Variants in ERBB4 observed in about 807,000 individuals in gnomAD.
The protein encoded by ERBB4 is receptor tyrosine-protein kinase erbB-4.
A neutral mutation model predicts 158.0 loss-of-function variants in ERBB4; 42 were observed. That is an observed-to-expected ratio of 0.27 (90% CI 0.21 to 0.34). ERBB4 has a LOEUF of 0.34. ERBB4 is among the 10% of genes least tolerant of loss of function. The pLI is 1.00. For missense variants in ERBB4, 1,333 were observed against 1,624.1 expected, an observed-to-expected ratio of 0.82 and a Z score of 3.08; for synonymous variants, 583 against 558.7, an observed-to-expected ratio of 1.04 and a Z score of -0.61.
chr2:211,705,239 A>G, intron 10 of ERBB4, 79 bp downstream of exon 10: 1 of 1,003,182 alleles, frequency 1.0e-6, no homozygotes. Flanking sequence ...GGTGTGAGCC[A>G]CGATGCCCAG....
chr2:211,769,629 A>G (rs2075641264), intron 4 of ERBB4, among the ~76,000 whole-genome samples: 1 of 152,196 alleles, frequency 6.6e-6, no homozygotes, highest in Non-Finnish European at 1.5e-5. Flanking sequence ...CCTCAAAAGT[A>G]GGGAAGCCAA....
intron 1 of ERBB4, among the ~76,000 whole-genome samples, chr2:212,269,895 G>C (rs1342208180): frequency 1.3e-5 from 2 of 151,778 alleles, no homozygotes; most frequent in African/African-American, 4.8e-5. Context: ...GTAACACCAA[G>C]TGCCTCTAAG....
chr2:211,898,937 G>A (rs188677509), intron 3 of ERBB4, among the ~76,000 whole-genome samples: 127 of 152,138 alleles, frequency 8.3e-4, no homozygotes, highest in African/African-American at 2.7e-3. Context: ...ACACTCAATC[G>A]TCCAAACTAC....
At chr2:211,947,221 A>G (rs1186859847) in intron 3 of ERBB4, among the ~76,000 whole-genome samples, 1 of 152,136 alleles carries the variant, frequency 6.6e-6, no homozygotes, top group African/African-American at 2.4e-5. Context: ...GAGATACAGT[A>G]TTATGGTATC....
intron 1 of ERBB4, among the ~76,000 whole-genome samples, chr2:212,128,875 A>T (rs1053166616): frequency 2.0e-5 from 3 of 152,148 alleles, no homozygotes; most frequent in Non-Finnish European, 2.9e-5. Flanking sequence ...ATTCCTTATA[A>T]ATCAAGATCG....
At chr2:212,044,802 G>C (rs1429523321) in intron 2 of ERBB4, among the ~76,000 whole-genome samples, 1 of 151,972 alleles carries the variant, frequency 6.6e-6, no homozygotes, top group Non-Finnish European at 1.5e-5. Context: ...CATAGAAAAA[G>C]GAACCATAAA....
intron 2 of ERBB4, among the ~76,000 whole-genome samples, chr2:212,017,288 A>T (rs2076550882): frequency 6.6e-6 from 1 of 152,086 alleles, no homozygotes; most frequent in Non-Finnish European, 1.5e-5. Context: ...AAAGCTAATA[A>T]ATGTTATTTA....
At chr2:212,027,588 TATG>T (rs1575535477) in intron 2 of ERBB4, among the ~76,000 whole-genome samples, 1 of 152,008 alleles carries the variant, frequency 6.6e-6, no homozygotes, top group African/African-American at 2.4e-5. Flanking sequence ...AAAGAGTGAG[TATG>T]ATATCTTTAT....
At position 212,267,721 on chromosome 2, in the gene ERBB4, G is replaced by A. The variant is rs573333812; in HGVS notation, c.83-142818C>T. ...CCATTAACTCTTCATTTAACGTTAG[G>A]TGTATCTCCTAATGCTATCCCTCCC... On this transcript the variant is annotated intron_variant, in intron 1 of 27. Coordinates refer to ENST00000342788, the MANE Select transcript of ERBB4 (RefSeq NM_005235.3). Among the ~76,000 whole-genome samples, 14 of 150,854 alleles carry A rather than the reference G, an allele frequency of 9.3e-5. No individual in the cohort carries two copies. The South Asian group carries it at 2.3e-3, about 25-fold the overall frequency.
At chr2:211,944,175 T>TATATAC (rs1166139329) in intron 3 of ERBB4, among the ~76,000 whole-genome samples, 1 of 32,476 alleles carries the variant, frequency 3.1e-5, no homozygotes, top group Admixed American at 3.8e-4. Flanking sequence ...TATATATATA[T>TATATAC]ACTATATATA....
At chr2:212,147,284 C>T (rs74901575) in intron 1 of ERBB4, among the ~76,000 whole-genome samples, 2,933 of 146,088 alleles carry the variant, frequency 0.02, 93 homozygotes, top group African/African-American at 0.071. Context: ...GGACTACAGG[C>T]GTGAGTCATG....
intron 20 of ERBB4, among the ~76,000 whole-genome samples, chr2:211,514,498 T>C (rs1251261220): frequency 6.6e-6 from 1 of 152,166 alleles, no homozygotes; most frequent in African/African-American, 2.4e-5. Context: ...TGAAAGAAGT[T>C]GCCATTCTCA....
rs1299250931 is a variant in ERBB4 at position 212,191,686 on chromosome 2, CATGTTACATATAACACGTGT to C, written c.83-66803_83-66784del. On this transcript the variant is annotated intron_variant, in intron 1 of 27. Coordinates refer to ENST00000342788, the MANE Select transcript of ERBB4 (RefSeq NM_005235.3). The stretch of plus-strand genomic sequence containing the variant: ...CATGTCATATATCGCGTGTGTTATA[CATGTTACATATAACACGTGT>C]TATACATGTTACATATAACACGTGT... 7.8e-5 allele frequency among the ~76,000 whole-genome samples: 4 copies of C among 51,578 alleles called. No individual in the cohort carries two copies. The East Asian group carries it at 4.9e-3, about 64-fold the overall frequency. The allele number at this position is 51,578 out of a possible 152,430, so 33.8% of individuals were successfully genotyped here. A position where few individuals can be genotyped will look rare whatever the true frequency, so the allele number is the denominator to read the frequency against.
intron 3 of ERBB4, among the ~76,000 whole-genome samples, chr2:211,886,326 G>A (rs1575317434): frequency 4.6e-5 from 7 of 152,084 alleles, no homozygotes; most frequent in Admixed American, 4.6e-4. Flanking sequence ...CCACTAAAGT[G>A]TTCCAGAAGA....
chr2:211,888,796 C>G (rs1319040352), intron 3 of ERBB4, among the ~76,000 whole-genome samples: 3 of 151,784 alleles, frequency 2.0e-5, no homozygotes, highest in Non-Finnish European at 4.4e-5. Flanking sequence ...ACGGACGCAC[C>G]TGGAAAATCG....
chr2:211,896,375 C>A (rs2079098037), intron 3 of ERBB4, among the ~76,000 whole-genome samples: 1 of 152,114 alleles, frequency 6.6e-6, no homozygotes, highest in African/African-American at 2.4e-5. Context: ...ATTGACTAAC[C>A]TCTTTCTTCC....
At chr2:212,240,725 C>A (rs1179053203) in intron 1 of ERBB4, among the ~76,000 whole-genome samples, 1 of 149,884 alleles carries the variant, frequency 6.7e-6, no homozygotes, top group African/African-American at 2.5e-5. Context: ...GTGCTAAGTT[C>A]CCCCCAGTTT....
At chr2:211,451,301 T>C (rs548015210) in intron 20 of ERBB4, among the ~76,000 whole-genome samples, 2 of 152,182 alleles carry the variant, frequency 1.3e-5, no homozygotes, top group Non-Finnish European at 2.9e-5. Context: ...GTGATGTTGT[T>C]GATAAAAGTT....
chr2:212,494,358 T>C (rs1002363603), intron 1 of ERBB4, among the ~76,000 whole-genome samples: 6 of 151,988 alleles, frequency 3.9e-5, no homozygotes, highest in African/African-American at 1.4e-4. Flanking sequence ...ACAGAAAGAC[T>C]CCATAGATAT....
Sources: allele counts gnomAD v4.1 joint callset (sites outside exome capture counted in the v4.1 genomes callset), GRCh38; gene constraint gnomAD v4.1.1; transcripts MANE v1.5; gene names NCBI Gene and HGNC (gene_info 2026-07-23, HGNC 2026-07-21).